RHOU: variants seen among roughly 807,000 people sequenced by gnomAD.
RHOU encodes ras homolog family member U, also known as rho-related GTP-binding protein RhoU.
A neutral mutation model predicts 12.6 loss-of-function variants in RHOU; 8 were observed. The ratio of observed to expected loss-of-function variants is 0.64; its 90% CI spans 0.37 to 1.15. RHOU has a LOEUF of 1.15. RHOU is among the 50% of genes most tolerant of loss of function. The pLI, the probability that RHOU is intolerant of heterozygous loss-of-function variation, is 0.01. For synonymous variants in RHOU, 161 were observed against 147.4 expected (o/e 1.09, Z -0.67); for missense variants, 258 against 347.0 (o/e 0.74, Z 2.04).
At chr1:228,716,932 G>T in the RHOU span, among the ~76,000 whole-genome samples, 1 of 152,178 alleles carries the variant, frequency 6.6e-6, no homozygotes, top group African/African-American at 2.4e-5. Flanking sequence ...AAAAATTCCA[G>T]TTCTCATTTT....
At chr1:228,656,951 T>TA in the RHOU span, among the ~76,000 whole-genome samples, 1 of 151,818 alleles carries the variant, frequency 6.6e-6, no homozygotes, top group African/African-American at 2.4e-5. Flanking sequence ...AATTTTAGAT[T>TA]AAAAACCACG....
chr1:228,706,023 C>A, the RHOU span, among the ~76,000 whole-genome samples: 18,672 of 151,882 alleles, frequency 0.12, 1,330 homozygotes, highest in Middle Eastern at 0.23. Context: ...TCAGCTTGGA[C>A]GAGAAAAGCA....
the RHOU span, among the ~76,000 whole-genome samples, chr1:228,665,969 C>CT: frequency 0.34 from 51,548 of 149,842 alleles, 8,954 homozygotes; most frequent in African/African-American, 0.44. Context: ...TAGAAGTGTT[C>CT]TTTTTTTTTT....
At chr1:228,725,039 T>G in the RHOU span, among the ~76,000 whole-genome samples, 1 of 152,234 alleles carries the variant, frequency 6.6e-6, no homozygotes, top group Non-Finnish European at 1.5e-5. Context: ...TTTATTTTAT[T>G]TTATTTTTCT....
At chr1:228,725,597 C>A in the RHOU span, among the ~76,000 whole-genome samples, 1 of 152,318 alleles carries the variant, frequency 6.6e-6, no homozygotes, top group Admixed American at 6.5e-5. Flanking sequence ...GTGGGCAGAA[C>A]GATGGCAGCA....
intron 2 of RHOU, among the ~76,000 whole-genome samples, chr1:228,742,019 G>A (rs1317270238): frequency 6.6e-6 from 1 of 152,208 alleles, no homozygotes; most frequent in Non-Finnish European, 1.5e-5. Context: ...GCCACGGATG[G>A]AGTATAATGT....
rs1302389239 is a variant in RHOU, at chr1:228,738,110, A to T, written c.321+379A>T. On this transcript the variant is annotated intron_variant, in intron 2 of 2. Coordinates refer to ENST00000366691, the MANE Select transcript of RHOU (RefSeq NM_021205.6). The surrounding 1 kb of genome is among the most constrained non-coding windows in gnomAD (Gnocchi z 4.2). The stretch of plus-strand genomic sequence containing the variant: ...TGATGTCTTATAATCGTTTTATTAA[A>T]GGCCAGTGAGTCAGATATTGAAGAA... 1.3e-5 allele frequency among the ~76,000 whole-genome samples: 2 copies of T among 152,220 alleles called. No homozygotes were observed.
the RHOU span, among the ~76,000 whole-genome samples, chr1:228,707,034 G>A: frequency 6.8e-6 from 1 of 146,334 alleles, no homozygotes; most frequent in African/African-American, 2.5e-5. Context: ...TATTAGAAAT[G>A]CTTCTAGTGC....
In RHOU at chr1:228,738,308, A is replaced by G. The variant is rs1662654466; in HGVS notation, c.321+577A>G. On this transcript the variant is annotated intron_variant, in intron 2 of 2. Coordinates refer to ENST00000366691, the MANE Select transcript of RHOU (RefSeq NM_021205.6). This position sits in a 1 kb window ranked among gnomAD's most constrained non-coding sequence, Gnocchi z 4.2. ...TGGGCTTATTCTATCCAAACTGTGA[A>G]CGCTGGTTCTTGTCTCGAGGGCTGG... 6.6e-6 allele frequency among the ~76,000 whole-genome samples: 1 copy of G among 152,144 alleles called. No individual in the cohort carries two copies. The highest frequency in any genetic ancestry group is 1.5e-5 in the Non-Finnish European group (1 of 68,024).
chr1:228,673,947 T>C, the RHOU span, among the ~76,000 whole-genome samples: 1 of 152,252 alleles, frequency 6.6e-6, no homozygotes, highest in Non-Finnish European at 1.5e-5. Flanking sequence ...TGCTCTACTT[T>C]AGTAGATCCT....
At chr1:228,697,625 C>G in the RHOU span, among the ~76,000 whole-genome samples, 1 of 152,168 alleles carries the variant, frequency 6.6e-6, no homozygotes, top group African/African-American at 2.4e-5. Flanking sequence ...GCATCCCCTT[C>G]TCTAAGATGC....
rs1052607587 is a variant in RHOU at position 228,737,822 on chromosome 1, G to T, written c.321+91G>T. 4 of 1,398,724 alleles carry T rather than the reference G, an allele frequency of 2.9e-6. No individual in the cohort carries two copies. The highest frequency in any genetic ancestry group is 4.0e-6 in the Non-Finnish European group (4 of 992,564). 86.6% of individuals were successfully genotyped at this position (1,398,724 alleles called of 1,614,324 possible). A position where few individuals can be genotyped will look rare whatever the true frequency, so the allele number is the denominator to read the frequency against. ...TTTGATTCCCTCAGTCAGTAACTGG[G>T]TCATTCTAAAGCCTCATGAAGTGGA... On this transcript the variant is annotated intron_variant, in intron 2 of 2. Transcript: ENST00000366691. The surrounding 1 kb of genome is among the most constrained non-coding windows in gnomAD (Gnocchi z 4.1).
rs1662787028 is a variant in RHOU, at chr1:228,744,474, G to A, written c.*734G>A. On this transcript the variant is annotated 3_prime_UTR_variant, in exon 3 of 3. Coordinates refer to ENST00000366691, the MANE Select transcript of RHOU (RefSeq NM_021205.6). ...GCTATGCGGAGGAAAGCAAGTGTTG[G>A]TCAGTAGTTTCATGTTTTAGGGAGT... The A allele has an allele frequency of 6.6e-6, 1 of 152,224 alleles. No individual in the cohort carries two copies. Among genetic ancestry groups the A allele is most frequent in the Non-Finnish European group, 1.5e-5 (1 of 68,054 alleles). The allele number at this position is 152,224 out of a possible 1,614,324, so 9.4% of individuals were successfully genotyped here. A position where few individuals can be genotyped will look rare whatever the true frequency, so the allele number is the denominator to read the frequency against.
At chr1:228,734,058 C>G (rs1558084496), upstream of RHOU, among the ~76,000 whole-genome samples, 1 of 152,194 alleles carries the variant, frequency 6.6e-6, no homozygotes, top group Non-Finnish European at 1.5e-5. Context: ...CCCAAACAAC[C>G]TGTTTGGGTC....
chr1:228,691,085 A>T, the RHOU span, among the ~76,000 whole-genome samples: 3 of 149,368 alleles, frequency 2.0e-5, no homozygotes, highest in African/African-American at 4.9e-5. Context: ...TCAGCTTATA[A>T]TTTTTTTTTT....
chr1:228,648,967 C>T, the RHOU span, among the ~76,000 whole-genome samples: 2 of 152,056 alleles, frequency 1.3e-5, no homozygotes, highest in Non-Finnish European at 2.9e-5. Context: ...GGGTTAAAGC[C>T]ATTCTCTCGC....
the RHOU span, among the ~76,000 whole-genome samples, chr1:228,669,380 A>G: frequency 6.6e-6 from 1 of 150,588 alleles, no homozygotes. Flanking sequence ...GGCCAGCAAC[A>G]CAGTCTTGGT....
chr1:228,687,599 A>T, the RHOU span: 1 of 1,570,208 alleles, frequency 6.4e-7, no homozygotes. Context: ...TACATTTGGA[A>T]AAAAGTGTGA....
At chr1:228,711,682 G>T in the RHOU span, among the ~76,000 whole-genome samples, 11 of 152,194 alleles carry the variant, frequency 7.2e-5, no homozygotes, top group African/African-American at 2.6e-4. Context: ...AGACTTAAAC[G>T]TTAGACCTAA....
Sources: gnomAD v4.1 joint callset for allele counts (sites outside exome capture counted in the v4.1 genomes callset) on GRCh38, gnomAD v4.1.1 for gene constraint, Gnocchi (gnomAD v3.1) non-coding constraint, MANE v1.5 for transcripts, NCBI Gene and HGNC (gene_info 2026-07-23, HGNC 2026-07-21) for gene names.